Variants in GRIN2A observed in about 807,000 individuals in gnomAD.
The protein encoded by GRIN2A is glutamate receptor ionotropic, NMDA 2A.
Under a neutral mutation model 113.4 loss-of-function variants are expected in GRIN2A, and 22 were observed. The ratio of observed to expected loss-of-function variants is 0.19; its 90% CI spans 0.14 to 0.28. The LOEUF (loss-of-function observed/expected upper bound fraction) is 0.28. Ranked by LOEUF, GRIN2A falls within the 10% of genes least tolerant of loss-of-function variation. GRIN2A has a pLI of 1.00. For synonymous variants in GRIN2A, 827 were observed against 738.4 expected (o/e 1.12, Z -1.94); for missense variants, 1,502 against 1,887.0 (o/e 0.80, Z 3.78).
chr16:9,854,390 A>T (rs1180400282), intron 4 of GRIN2A, among the ~76,000 whole-genome samples: 5 of 152,092 alleles, frequency 3.3e-5, no homozygotes, highest in Non-Finnish European at 7.4e-5. Context: ...CATTTTAAAA[A>T]GGGACTCCAG....
chr16:9,853,234 G>C (rs1048755977), intron 4 of GRIN2A, among the ~76,000 whole-genome samples: 2 of 152,180 alleles, frequency 1.3e-5, no homozygotes, highest in South Asian at 2.1e-4. Context: ...CTATTAAGAA[G>C]TTGGGATTTA....
intron 2 of GRIN2A, among the ~76,000 whole-genome samples, chr16:9,958,166 T>C (rs750273073): frequency 6.6e-6 from 1 of 152,212 alleles, no homozygotes; most frequent in Admixed American, 6.5e-5. Context: ...AGGATTAAAA[T>C]TGGCAATTGA....
At chr16:10,124,996 G>GAAAGGAGGGA (rs1466455013) in intron 2 of GRIN2A, among the ~76,000 whole-genome samples, 9 of 152,158 alleles carry the variant, frequency 5.9e-5, no homozygotes, top group Non-Finnish European at 1.3e-4. Flanking sequence ...GGGTTGGAAA[G>GAAAGGAGGGA]AACAAGGAGG....
intron 2 of GRIN2A, among the ~76,000 whole-genome samples, chr16:10,154,250 T>C (rs372313432): frequency 2.0e-4 from 30 of 152,208 alleles, no homozygotes; most frequent in African/African-American, 7.2e-4. Context: ...TAGCCAACCC[T>C]CGGTGGGCAC....
intron 3 of GRIN2A, among the ~76,000 whole-genome samples, chr16:9,910,528 C>T (rs1256713856): frequency 1.4e-5 from 2 of 146,566 alleles, no homozygotes; most frequent in Non-Finnish European, 3.0e-5. Flanking sequence ...CATATGAAGT[C>T]TCAGAGTTCT....
At chr16:9,830,480 C>CA (rs71400501) in intron 8 of GRIN2A, among the ~76,000 whole-genome samples, 8,581 of 72,320 alleles carry the variant, frequency 0.12, 309 homozygotes, top group Middle Eastern at 0.2. Flanking sequence ...TCTGCATGGG[C>CA]AAAAAAAAAA....
At chr16:9,988,284 C>CGTGTGTGTGT (rs4031160) in intron 2 of GRIN2A, among the ~76,000 whole-genome samples, 1,609 of 146,924 alleles carry the variant, frequency 0.011, 11 homozygotes, top group South Asian at 0.034. Context: ...TGTGTGTGTG[C>CGTGTGTGTGT]GTGTGTGTGT....
intron 2 of GRIN2A, among the ~76,000 whole-genome samples, chr16:9,988,094 A>G (rs1212936402): frequency 6.6e-6 from 1 of 152,160 alleles, no homozygotes; most frequent in Non-Finnish European, 1.5e-5. Context: ...TATGGCTTCC[A>G]CAACACCAAC....
intron 11 of GRIN2A, chr16:9,769,374 A>ATATATATTATATAT: frequency 6.7e-6 from 1 of 149,508 alleles, no homozygotes; most frequent in East Asian, 1.9e-4. Flanking sequence ...ATTAATATGT[A>ATATATATTATATAT]TATATATTAT....
chr16:10,131,362 G>C (rs1329693255), intron 2 of GRIN2A, among the ~76,000 whole-genome samples: 2 of 152,048 alleles, frequency 1.3e-5, no homozygotes, highest in East Asian at 1.9e-4. Context: ...CAGTTACAAA[G>C]ACAAAGCAAA....
chr16:9,791,428 A>G (rs1225945821), intron 11 of GRIN2A, among the ~76,000 whole-genome samples: 2 of 152,198 alleles, frequency 1.3e-5, no homozygotes, highest in African/African-American at 4.8e-5. Context: ...GGTAAGGGGC[A>G]TTCAAGGATT....
At chr16:9,914,525 C>T (rs908343953) in intron 3 of GRIN2A, among the ~76,000 whole-genome samples, 8 of 152,194 alleles carry the variant, frequency 5.3e-5, no homozygotes, top group Non-Finnish European at 1.0e-4. Context: ...TTCTTCTCAC[C>T]GTGTTAAACC....
rs570078650 is a variant in GRIN2A at position 9,971,151 on chromosome 16, C to T, written c.415-32600G>A. Reference sequence around the variant, plus strand: ...GATGCCCACACTGTTTTCTGTTATTCTTCCCATTGACAGGTGGATTGCTTT... The same window carrying T: ...GATGCCCACACTGTTTTCTGTTATTTTTCCCATTGACAGGTGGATTGCTTT... On this transcript the variant is annotated intron_variant, in intron 2 of 12. Coordinates refer to ENST00000330684, the MANE Select transcript of GRIN2A (RefSeq NM_001134407.3). 2.0e-5 allele frequency among the ~76,000 whole-genome samples: 3 copies of T among 152,318 alleles called. No homozygotes were observed. The South Asian group carries it at 6.2e-4, about 32-fold the overall frequency.
intron 2 of GRIN2A, among the ~76,000 whole-genome samples, chr16:9,956,140 A>C (rs1432301729): frequency 6.6e-6 from 1 of 152,206 alleles, no homozygotes; most frequent in Non-Finnish European, 1.5e-5. Context: ...ATTTAAATGC[A>C]ACAAGTAGAC....
At chr16:10,156,453 T>A (rs935529817) in intron 2 of GRIN2A, among the ~76,000 whole-genome samples, 2 of 152,252 alleles carry the variant, frequency 1.3e-5, no homozygotes, top group African/African-American at 4.8e-5. Flanking sequence ...TTTCTCCACT[T>A]CTGATTGACG....
intron 2 of GRIN2A, chr16:10,112,686 G>T: frequency 1.3e-6 from 1 of 753,062 alleles, no homozygotes; most frequent in Non-Finnish European, 2.4e-6. Flanking sequence ...GGGGGAAAAG[G>T]TGAATATTGT....
chr16:10,008,390 T>TCAACTTTA (rs1376278133), intron 2 of GRIN2A, among the ~76,000 whole-genome samples: 3 of 152,010 alleles, frequency 2.0e-5, no homozygotes, highest in African/African-American at 7.2e-5. Flanking sequence ...CCACAGGGAG[T>TCAACTTTA]AGTAAGACTA....
intron 2 of GRIN2A, among the ~76,000 whole-genome samples, chr16:9,956,304 C>T (rs928420027): frequency 6.6e-6 from 1 of 152,134 alleles, no homozygotes; most frequent in Non-Finnish European, 1.5e-5. Flanking sequence ...AATACCCATA[C>T]TTAAAAAGCA....
chr16:9,903,481 C>T (rs999300282), intron 3 of GRIN2A, among the ~76,000 whole-genome samples: 4 of 152,220 alleles, frequency 2.6e-5, no homozygotes, highest in Non-Finnish European at 5.9e-5. Flanking sequence ...ATACCTTAAT[C>T]TCCACCCGAG....
Sources: allele counts gnomAD v4.1 joint callset (sites outside exome capture counted in the v4.1 genomes callset), GRCh38; gene constraint gnomAD v4.1.1; transcripts MANE v1.5; gene names NCBI Gene and HGNC (gene_info 2026-07-23, HGNC 2026-07-21).